Variants in SCN11A observed in about 807,000 individuals in gnomAD.
The protein encoded by SCN11A is sodium channel protein type 11 subunit alpha.
In SCN11A, 122 loss-of-function variants were observed where a neutral mutation model predicts 162.2. The observed-to-expected ratio is 0.75, with a 90% confidence interval of 0.65 to 0.87. The LOEUF is 0.87. SCN11A is among the 40% of genes least tolerant of loss of function. The probability of loss-of-function intolerance (pLI) is 0.00; values close to 1 mark genes in which losing one functional copy is unlikely to be tolerated. For missense variants in SCN11A, 2,015 were observed against 2,181.6 expected, an observed-to-expected ratio of 0.92 and a Z score of 1.52; for synonymous variants, 758 against 751.5, an observed-to-expected ratio of 1.01 and a Z score of -0.14.
chr3:38,951,244 G>T (rs2066609853), intron 4 of SCN11A, among the ~76,000 whole-genome samples: 1 of 152,194 alleles, frequency 6.6e-6, no homozygotes. Flanking sequence ...GCCGCACTCG[G>T]AGCAGCCGGC....
At position 38,904,109 on chromosome 3, in the gene SCN11A, G is replaced by C. The variant is rs772908255; in HGVS notation, c.1604-6C>G. ...CTCTTGTGATTTTTCTTGTTCTGGA[G>C]GAGAATGAGCGAGAGGTTGAGGAGT... is the stretch of plus-strand genomic sequence containing the variant. On this transcript the variant is annotated splice_polypyrimidine_tract_variant and splice_region_variant and intron_variant, in intron 15 of 29. Transcript: ENST00000302328. 1 of 1,541,990 alleles carries C rather than the reference G, an allele frequency of 6.5e-7. No individual in the cohort carries two copies. The highest frequency in any genetic ancestry group is 8.7e-7 in the Non-Finnish European group (1 of 1,144,444).
chr3:38,863,053 A>C (rs539620121), intron 28 of SCN11A, 142 bp downstream of exon 28: 27 of 589,330 alleles, frequency 4.6e-5, no homozygotes, highest in South Asian at 4.3e-4. Flanking sequence ...AATTTTCCTA[A>C]GTGTTTGAAT....
At position 38,959,578 on chromosome 3, in the gene SCN11A, C is replaced by T. The variant is rs181443381; in HGVS notation, c.-139+705G>A. On this transcript the variant is annotated intron_variant, in intron 3 of 29. Coordinates refer to ENST00000302328, the MANE Select transcript of SCN11A (RefSeq NM_001349253.2). ...TTCACATGTCAGTCCTACGGGCATT[C>T]CACTGGCCTCACCATGACACTCTCA... 7.0e-4 allele frequency among the ~76,000 whole-genome samples: 107 copies of T among 152,298 alleles called. 1 individual carries two copies. The South Asian group carries it at 0.02, about 28-fold the overall frequency.
intron 28 of SCN11A, among the ~76,000 whole-genome samples, chr3:38,858,056 A>ACAAG (rs2064899948): frequency 1.3e-5 from 2 of 152,102 alleles, no homozygotes; most frequent in Non-Finnish European, 2.9e-5. Context: ...AAACAAACAA[A>ACAAG]CAAAACCTCC....
chr3:38,951,210 C>T (rs1328265116), intron 4 of SCN11A, among the ~76,000 whole-genome samples: 1 of 152,330 alleles, frequency 6.6e-6, no homozygotes, highest in Non-Finnish European at 1.5e-5. Context: ...GCTGGAGTTC[C>T]GGGTGGGCGT....
At chr3:38,887,226 TA>T (rs1384702991) in intron 19 of SCN11A, among the ~76,000 whole-genome samples, 1 of 152,086 alleles carries the variant, frequency 6.6e-6, no homozygotes, top group Non-Finnish European at 1.5e-5. Flanking sequence ...GAACAGAACC[TA>T]CTTCAGGCTG....
At chr3:38,897,716 T>C (rs971916725) in intron 17 of SCN11A, among the ~76,000 whole-genome samples, 11 of 132,046 alleles carry the variant, frequency 8.3e-5, no homozygotes, top group African/African-American at 3.3e-4. Context: ...CTCCATCTCA[T>C]AAAAAAAAAA....
In SCN11A at chr3:38,919,952, G is replaced by A; in HGVS notation, c.942C>T (p.Gly314=). The change falls in exon 11 of 30, where the codon GGC becomes GGT. Residue 314 remains glycine, a synonymous_variant. Coordinates refer to ENST00000302328, the MANE Select transcript of SCN11A (RefSeq NM_001349253.2). ...KENSPEFKMC[G]IWMGNSACSI... is the part of the protein sequence containing the mutation. ...CCTCTTACCTGTTACCCATCCAGATGCCACACATTTTGAATTCAGGTGAAT... is the reference window on the plus strand; with the variant it reads ...CCTCTTACCTGTTACCCATCCAGATACCACACATTTTGAATTCAGGTGAAT... The A allele has an allele frequency of 6.2e-7, 1 of 1,613,118 alleles. No homozygotes were observed. The highest frequency in any genetic ancestry group is 1.1e-5 in the South Asian group (1 of 91,062).
In SCN11A at chr3:38,980,258, T is replaced by C. The variant is rs147404767; in HGVS notation, c.-279-19835A>G. ...AGAAAAAAAAAAATACCAACTCACA[T>C]TGAAAGAATAGAATCATTTACATTA... On this transcript the variant is annotated intron_variant, in intron 2 of 29. Coordinates refer to ENST00000302328, the MANE Select transcript of SCN11A (RefSeq NM_001349253.2). Among the ~76,000 whole-genome samples, 629 of 152,114 alleles carry C rather than the reference T, an allele frequency of 4.1e-3. 9 individuals are homozygous for C. The highest frequency in any genetic ancestry group is 0.014 in the African/African-American group (599 of 41,520).
chr3:38,875,800 A>T (rs1163477003), intron 23 of SCN11A, among the ~76,000 whole-genome samples: 1 of 151,938 alleles, frequency 6.6e-6, no homozygotes, highest in African/African-American at 2.4e-5. Context: ...GCGATCTACA[A>T]ATTCAATGCA....
chr3:38,959,839 C>A (rs1337851845), intron 3 of SCN11A, among the ~76,000 whole-genome samples: 2 of 152,158 alleles, frequency 1.3e-5, no homozygotes, highest in African/African-American at 4.8e-5. Context: ...AAAGTCAATC[C>A]CAAGATTAGT....
intron 7 of SCN11A, among the ~76,000 whole-genome samples, chr3:38,939,645 T>C (rs1172913209): frequency 1.3e-5 from 2 of 152,186 alleles, no homozygotes; most frequent in African/African-American, 4.8e-5. Flanking sequence ...GGCTCTTGCC[T>C]GTAATCCCAG....
chr3:38,997,991 A>G (rs2030695691), intron 2 of SCN11A, among the ~76,000 whole-genome samples: 1 of 152,240 alleles, frequency 6.6e-6, no homozygotes, highest in Non-Finnish European at 1.5e-5. Context: ...TGTATTAAAT[A>G]TCTATAACTT....
intron 2 of SCN11A, among the ~76,000 whole-genome samples, chr3:39,010,378 C>CTTTTTTTTTTTTTTT (rs201494677): frequency 8.3e-6 from 1 of 120,752 alleles, no homozygotes. Context: ...TTTAGTTTTT[C>CTTTTTTTTTTTTTTT]TTTTTTCTTT....
intron 21 of SCN11A, 125 bp from the exon 22 acceptor site, chr3:38,883,512 A>C (rs1370812493): frequency 2.5e-6 from 2 of 813,652 alleles, no homozygotes; most frequent in East Asian, 5.2e-5. Flanking sequence ...CCATTAAAGA[A>C]GTAGAGCATC....
At chr3:38,998,137 C>T (rs9990029) in intron 2 of SCN11A, among the ~76,000 whole-genome samples, 10,558 of 152,186 alleles carry the variant, frequency 0.069, 1,172 homozygotes, top group African/African-American at 0.23. Context: ...TAGAATGAGA[C>T]TCACTTTATA....
At chr3:38,907,882 G>T in intron 14 of SCN11A, 67 bp downstream of exon 14, 4 of 1,329,398 alleles carry the variant, frequency 3.0e-6, no homozygotes, top group South Asian at 1.4e-5. Flanking sequence ...ATTTCAATTT[G>T]ATTGGCAATT....
intron 7 of SCN11A, among the ~76,000 whole-genome samples, chr3:38,940,402 A>T (rs1483342101): frequency 6.6e-6 from 1 of 152,198 alleles, no homozygotes; most frequent in African/African-American, 2.4e-5. Context: ...AAAAATTCTC[A>T]AAAGGAACCT....
At chr3:38,993,083 G>C (rs190324275) in intron 2 of SCN11A, among the ~76,000 whole-genome samples, 1 of 152,220 alleles carries the variant, frequency 6.6e-6, no homozygotes, top group Non-Finnish European at 1.5e-5. Flanking sequence ...AAAAGAATAT[G>C]TGGTTCTCTC....
Sources: gnomAD v4.1 joint callset for allele counts (sites outside exome capture counted in the v4.1 genomes callset) on GRCh38, gnomAD v4.1.1 for gene constraint, MANE v1.5 for transcripts, NCBI Gene and HGNC (gene_info 2026-07-23, HGNC 2026-07-21) for gene names.